CCSER1: variants seen among roughly 807,000 people sequenced by gnomAD.
CCSER1 encodes coiled-coil serine rich protein 1.
CCSER1 carries 41 observed loss-of-function variants against 82.0 expected under a neutral mutation model. The ratio of observed to expected loss-of-function variants is 0.50; its 90% CI spans 0.39 to 0.65. CCSER1 has a LOEUF of 0.65. Among genes scored for constraint, CCSER1 ranks in the 30% least tolerant of loss-of-function variants. CCSER1 has a pLI of 0.00. For synonymous variants in CCSER1, 414 were observed against 383.9 expected (o/e 1.08, Z -0.92); for missense variants, 1,119 against 1,064.2 (o/e 1.05, Z -0.72).
chr4:91,511,099 G>C lies in CCSER1; in HGVS notation c.2218-87473G>C, dbSNP rs939452290. On this transcript the variant is annotated intron_variant, in intron 10 of 10. Coordinates refer to ENST00000509176, the MANE Select transcript of CCSER1 (RefSeq NM_001145065.2). ...ATTGAATAGGGAGCCTTTCCACTTT[G>C]CTTAATTTTTTTTTTATTTTGTTGA... is the stretch of plus-strand genomic sequence containing the variant. 2.0e-5 allele frequency among the ~76,000 whole-genome samples: 3 copies of C among 150,770 alleles called. No homozygotes were observed. In the South Asian group the frequency reaches 6.5e-4, roughly 33 times the overall value.
intron 10 of CCSER1, among the ~76,000 whole-genome samples, chr4:91,533,747 T>A (rs1761151650): frequency 6.6e-6 from 1 of 151,968 alleles, no homozygotes; most frequent in South Asian, 2.1e-4. Context: ...CTTAAGCTTC[T>A]TTGTAAGCTC....
At chr4:90,939,275 C>CT (rs1348236150) in intron 9 of CCSER1, among the ~76,000 whole-genome samples, 6 of 152,122 alleles carry the variant, frequency 3.9e-5, no homozygotes, top group Admixed American at 3.9e-4. Context: ...GAGTCTTACT[C>CT]TAACTACAGA....
intron 6 of CCSER1, among the ~76,000 whole-genome samples, chr4:90,684,785 G>A (rs1045333339): frequency 6.6e-6 from 1 of 152,044 alleles, no homozygotes; most frequent in African/African-American, 2.4e-5. Context: ...TCTCGTGATA[G>A]TGAGTAAGTT....
At position 90,157,831 on chromosome 4, in the gene CCSER1, A is replaced by G. The variant is rs529005558; in HGVS notation, c.-42+30000A>G. On this transcript the variant is annotated intron_variant, in intron 1 of 10. Transcript: ENST00000509176. ...GCCTTTGGTTTGAATTTCCTCCTGTAGCTCGGAGTAGTTTGATTGTCTGAA... is the reference window on the plus strand; with the variant it reads ...GCCTTTGGTTTGAATTTCCTCCTGTGGCTCGGAGTAGTTTGATTGTCTGAA... 2.6e-5 allele frequency among the ~76,000 whole-genome samples: 4 copies of G among 152,312 alleles called. No homozygotes were observed. In the East Asian group the frequency reaches 5.8e-4, roughly 22 times the overall value.
rs1778428916 is a variant in CCSER1, at chr4:90,559,037, G to A, written c.1725-68988G>A. 1.3e-5 allele frequency among the ~76,000 whole-genome samples: 2 copies of A among 152,244 alleles called. 1 individual carries two copies. Among genetic ancestry groups the A allele is most frequent in the Middle Eastern group, 6.8e-3 (2 of 294 alleles). ...TGTCACACAGGTACTAAGTGATAAA[G>A]CAGGATCCCAGCCCAGGTCTGCCAG... On this transcript the variant is annotated intron_variant, in intron 5 of 10. Coordinates refer to ENST00000509176, the MANE Select transcript of CCSER1 (RefSeq NM_001145065.2).
chr4:91,494,833 G>T (rs1004791818), intron 10 of CCSER1, among the ~76,000 whole-genome samples: 3 of 151,604 alleles, frequency 2.0e-5, no homozygotes, highest in Admixed American at 6.6e-5. Context: ...CATCAAAATG[G>T]TTGGTTTTCA....
chr4:91,383,632 A>G lies in CCSER1; in HGVS notation c.2218-214940A>G, dbSNP rs1051208261. ...GCTATAGTTTCAAAGTTGAGTAATT[A>G]CAACAGAAAACATTTGGCTTGCAAA... is the stretch of plus-strand genomic sequence containing the variant. On this transcript the variant is annotated intron_variant, in intron 10 of 10. Coordinates refer to ENST00000509176, the MANE Select transcript of CCSER1 (RefSeq NM_001145065.2). Among the ~76,000 whole-genome samples, 3 of 152,292 alleles carry G rather than the reference A, an allele frequency of 2.0e-5. No homozygotes were observed. In the South Asian group the frequency reaches 6.2e-4, roughly 32 times the overall value.
At chr4:90,489,840 A>G (rs1040128486) in intron 5 of CCSER1, among the ~76,000 whole-genome samples, 110 of 152,272 alleles carry the variant, frequency 7.2e-4, no homozygotes, top group African/African-American at 2.6e-3. Context: ...GTCCCTACAA[A>G]GGACATGAAC....
chr4:90,224,162 C>T (rs1176348051), intron 1 of CCSER1, among the ~76,000 whole-genome samples: 1 of 152,056 alleles, frequency 6.6e-6, no homozygotes, highest in Non-Finnish European at 1.5e-5. Context: ...TGTACAGAAC[C>T]CAGCTAATCA....
intron 10 of CCSER1, among the ~76,000 whole-genome samples, chr4:91,218,834 A>T (rs1388783622): frequency 4.6e-5 from 7 of 152,204 alleles, no homozygotes; most frequent in Admixed American, 4.6e-4. Context: ...GGAAACTGTG[A>T]TTGATTCAGA....
At chr4:91,394,869 T>G (rs536424862) in intron 10 of CCSER1, among the ~76,000 whole-genome samples, 14 of 151,958 alleles carry the variant, frequency 9.2e-5, no homozygotes, top group Middle Eastern at 3.4e-3. Flanking sequence ...TTTTGAAAAT[T>G]AAACTCTGAT....
chr4:91,053,083 T>G (rs562667628), intron 9 of CCSER1, among the ~76,000 whole-genome samples: 9 of 152,288 alleles, frequency 5.9e-5, no homozygotes, highest in African/African-American at 1.9e-4. Flanking sequence ...TTTCAATTTC[T>G]GCAATGAGTT....
chr4:91,082,200 C>A (rs951008270), intron 9 of CCSER1, among the ~76,000 whole-genome samples: 1 of 152,186 alleles, frequency 6.6e-6, no homozygotes, highest in African/African-American at 2.4e-5. Flanking sequence ...CGGCATGGTA[C>A]TGGTACCAAA....
intron 10 of CCSER1, among the ~76,000 whole-genome samples, chr4:91,543,846 C>T (rs1004068521): frequency 6.6e-6 from 1 of 152,148 alleles, no homozygotes; most frequent in Non-Finnish European, 1.5e-5. Context: ...GAATGTTGGC[C>T]TACCTTGCTT....
chr4:91,005,497 C>T (rs567556169), intron 9 of CCSER1, among the ~76,000 whole-genome samples: 2 of 152,050 alleles, frequency 1.3e-5, no homozygotes, highest in South Asian at 4.2e-4. Context: ...ACTAAAAGCA[C>T]CCCTATGCTT....
intron 10 of CCSER1, among the ~76,000 whole-genome samples, chr4:91,101,545 G>T (rs1283378968): frequency 6.6e-6 from 1 of 151,204 alleles, no homozygotes; most frequent in Non-Finnish European, 1.5e-5. Flanking sequence ...TGAGGCAGGG[G>T]AATCACTTGA....
chr4:90,734,970 T>A (rs1245282490), intron 7 of CCSER1, among the ~76,000 whole-genome samples: 1 of 152,208 alleles, frequency 6.6e-6, no homozygotes, highest in African/African-American at 2.4e-5. Flanking sequence ...ATGGCTTATA[T>A]GGCTTTTATT....
intron 9 of CCSER1, among the ~76,000 whole-genome samples, chr4:90,997,989 C>T (rs1003462722): frequency 3.9e-4 from 59 of 152,252 alleles, no homozygotes; most frequent in African/African-American, 1.4e-3. Flanking sequence ...AAAATATGCT[C>T]ACTAGAATTT....
chr4:90,892,345 A>G (rs944843946), intron 8 of CCSER1, among the ~76,000 whole-genome samples: 4 of 151,966 alleles, frequency 2.6e-5, no homozygotes, highest in Admixed American at 6.6e-5. Flanking sequence ...TTAGGATTAC[A>G]TATACAAAGA....
Sources: allele counts gnomAD v4.1 joint callset (sites outside exome capture counted in the v4.1 genomes callset), GRCh38; gene constraint gnomAD v4.1.1; transcripts MANE v1.5; gene names NCBI Gene and HGNC (gene_info 2026-07-23, HGNC 2026-07-21).